The following COL8A1 variants were observed in gnomAD, a reference collection of about 807,000 sequenced individuals.
COL8A1 encodes collagen type VIII alpha 1 chain, also known as collagen alpha-1(VIII) chain.
COL8A1 carries 21 observed loss-of-function variants against 42.7 expected under a neutral mutation model. The ratio of observed to expected loss-of-function variants is 0.49; its 90% CI spans 0.35 to 0.71. The LOEUF (loss-of-function observed/expected upper bound fraction) is 0.71. Ranked by LOEUF, COL8A1 falls within the 30% of genes least tolerant of loss-of-function variation. The pLI is 0.01. For missense variants in COL8A1, 788 were observed against 962.4 expected, an observed-to-expected ratio of 0.82 and a Z score of 2.40; for synonymous variants, 367 against 369.1, an observed-to-expected ratio of 0.99 and a Z score of 0.06.
chr3:99,734,393 T>A (rs74421356), intron 1 of COL8A1, among the ~76,000 whole-genome samples: 16,629 of 126,462 alleles, frequency 0.13, 1,399 homozygotes, highest in African/African-American at 0.21. Context: ...CCAGCACCAT[T>A]TATTAAATAG....
intron 1 of COL8A1, among the ~76,000 whole-genome samples, chr3:99,730,096 G>C (rs1370839565): frequency 6.6e-6 from 1 of 152,102 alleles, no homozygotes; most frequent in Non-Finnish European, 1.5e-5. Flanking sequence ...TTCTTTTCCT[G>C]ATTCCTCTTC....
intron 2 of COL8A1, among the ~76,000 whole-genome samples, chr3:99,784,839 G>T (rs907122480): frequency 6.6e-6 from 1 of 152,160 alleles, no homozygotes; most frequent in Non-Finnish European, 1.5e-5. Context: ...TTGAGATAAT[G>T]CTGAGTTACT....
At chr3:99,663,055 C>T (rs148344811) in intron 1 of COL8A1, among the ~76,000 whole-genome samples, 1 of 152,242 alleles carries the variant, frequency 6.6e-6, no homozygotes. Context: ...GATCACAAGT[C>T]CTGAGAATAA....
chr3:99,700,505 C>T (rs1939505825), intron 1 of COL8A1, among the ~76,000 whole-genome samples: 1 of 152,120 alleles, frequency 6.6e-6, no homozygotes, highest in African/African-American at 2.4e-5. Flanking sequence ...GCAAGTTTCT[C>T]ACCACCTTCT....
rs145142901 is a variant in COL8A1 at position 99,688,885 on chromosome 3, C to T, written c.-129+50221C>T. 1.8e-3 allele frequency among the ~76,000 whole-genome samples: 281 copies of T among 152,204 alleles called. 1 individual carries two copies. The highest frequency in any genetic ancestry group is 6.2e-3 in the African/African-American group (257 of 41,526). On this transcript the variant is annotated intron_variant, in intron 1 of 3. Coordinates refer to ENST00000652472, the MANE Select transcript of COL8A1 (RefSeq NM_020351.4). ...CTTTGCTGTAGGAGGCTGACCTGTG[C>T]ATTGTGAGAGTTTTAGAAACATCCC...
chr3:99,760,899 G>A (rs185757632), intron 2 of COL8A1, among the ~76,000 whole-genome samples: 1 of 152,298 alleles, frequency 6.6e-6, no homozygotes, highest in East Asian at 1.9e-4. Context: ...AACACAAACA[G>A]GGCTTTTACA....
At chr3:99,745,232 T>C (rs1203629958) in intron 2 of COL8A1, among the ~76,000 whole-genome samples, 2 of 152,180 alleles carry the variant, frequency 1.3e-5, no homozygotes, top group South Asian at 2.1e-4. Context: ...TGTAGTAAAA[T>C]ACATGTGCAG....
chr3:99,682,502 C>T (rs1189251760), intron 1 of COL8A1, among the ~76,000 whole-genome samples: 1 of 151,792 alleles, frequency 6.6e-6, no homozygotes, highest in Non-Finnish European at 1.5e-5. Flanking sequence ...CTAACAAGGA[C>T]ATGAAACATG....
intron 2 of COL8A1, among the ~76,000 whole-genome samples, chr3:99,782,242 G>C (rs908941773): frequency 2.6e-5 from 4 of 152,096 alleles, no homozygotes; most frequent in Non-Finnish European, 4.4e-5. Flanking sequence ...TTTAAGGGGG[G>C]TAGGGGGTGT....
chr3:99,695,536 CA>C (rs1939340966), intron 1 of COL8A1, among the ~76,000 whole-genome samples: 3 of 151,950 alleles, frequency 2.0e-5, no homozygotes, highest in Admixed American at 2.0e-4. Context: ...ATCAGAAGAC[CA>C]GCTGGATTGG....
chr3:99,710,961 G>C (rs1174428852), intron 1 of COL8A1, among the ~76,000 whole-genome samples: 5 of 152,124 alleles, frequency 3.3e-5, no homozygotes, highest in Admixed American at 6.6e-5. Context: ...CTCCACTCCA[G>C]GGCCTTACCC....
chr3:99,775,176 T>TA (rs1941671629), intron 2 of COL8A1, among the ~76,000 whole-genome samples: 1 of 152,118 alleles, frequency 6.6e-6, no homozygotes, highest in Non-Finnish European at 1.5e-5. Flanking sequence ...TGATCAGGGA[T>TA]AAAATACCAA....
At chr3:99,791,331 C>T (rs1210076722) in intron 3 of COL8A1, among the ~76,000 whole-genome samples, 1 of 152,090 alleles carries the variant, frequency 6.6e-6, no homozygotes. Flanking sequence ...CTATTTGTGT[C>T]AGGCTCTGGG....
chr3:99,669,446 T>A (rs905202839), intron 1 of COL8A1, among the ~76,000 whole-genome samples: 1 of 151,980 alleles, frequency 6.6e-6, no homozygotes, highest in African/African-American at 2.4e-5. Context: ...ATTGTTAATG[T>A]CTGTAGTTAA....
intron 3 of COL8A1, among the ~76,000 whole-genome samples, chr3:99,791,942 G>T (rs1942008385): frequency 6.6e-6 from 1 of 152,194 alleles, no homozygotes. Context: ...CTGAGTAAAT[G>T]CTAAAGCACC....
rs567528947 is a variant in COL8A1 at position 99,797,401 on chromosome 3, T to G, written c.*1265T>G. 1 of 152,066 alleles carries G rather than the reference T, an allele frequency of 6.6e-6. No individual in the cohort carries two copies. Among genetic ancestry groups the G allele is most frequent in the Non-Finnish European group, 1.5e-5 (1 of 68,040 alleles). 9.4% of individuals were successfully genotyped at this position (152,066 alleles called of 1,614,324 possible). ...AATTGTCCTGTCTCAGCCTCCCGAG[T>G]ACTGGGACTACTGTCTTGCGCCACC... On this transcript the variant is annotated 3_prime_UTR_variant, in exon 4 of 4. Transcript: ENST00000652472.
intron 1 of COL8A1, among the ~76,000 whole-genome samples, chr3:99,665,403 T>C (rs1469095594): frequency 6.6e-6 from 1 of 152,234 alleles, no homozygotes; most frequent in Non-Finnish European, 1.5e-5. Flanking sequence ...TTAGGTGTCT[T>C]TGCCATAGGG....
chr3:99,732,866 A>G (rs1161903299), intron 1 of COL8A1, among the ~76,000 whole-genome samples: 3 of 152,152 alleles, frequency 2.0e-5, no homozygotes, highest in Admixed American at 6.6e-5. Context: ...TACTTTCAAG[A>G]TACAATGGGG....
chr3:99,702,620 C>T (rs1939572450), intron 1 of COL8A1, among the ~76,000 whole-genome samples: 1 of 152,138 alleles, frequency 6.6e-6, no homozygotes, highest in Non-Finnish European at 1.5e-5. Context: ...TCAGGTGTAT[C>T]AGGTACTATT....
Sources: allele counts gnomAD v4.1 joint callset (sites outside exome capture counted in the v4.1 genomes callset), GRCh38; gene constraint gnomAD v4.1.1; transcripts MANE v1.5; gene names NCBI Gene and HGNC (gene_info 2026-07-23, HGNC 2026-07-21).